The following KCNMA1 variants were observed in gnomAD, a reference collection of about 807,000 sequenced individuals.
KCNMA1 encodes potassium calcium-activated channel subfamily M alpha 1.
KCNMA1 carries 29 observed loss-of-function variants against 140.0 expected under a neutral mutation model. The observed-to-expected ratio is 0.21, with a 90% CI of 0.15 to 0.28. KCNMA1 has a LOEUF of 0.28. Among genes scored for constraint, KCNMA1 ranks in the 10% least tolerant of loss-of-function variants. The pLI is 1.00. For missense variants in KCNMA1, 880 were observed against 1,602.2 expected, an observed-to-expected ratio of 0.55 and a Z score of 7.70; for synonymous variants, 612 against 611.9, an observed-to-expected ratio of 1.00 and a Z score of 0.00.
chr10:77,620,521 G>A (rs1261238209), intron 1 of KCNMA1, among the ~76,000 whole-genome samples: 1 of 152,196 alleles, frequency 6.6e-6, no homozygotes, highest in Non-Finnish European at 1.5e-5. Flanking sequence ...CTTCTCCAAG[G>A]CTCATGCTTA....
At chr10:77,479,539 G>A (rs1051166465) in intron 1 of KCNMA1, among the ~76,000 whole-genome samples, 1 of 152,164 alleles carries the variant, frequency 6.6e-6, no homozygotes, top group East Asian at 1.9e-4. Context: ...ATCACAGTGA[G>A]GTTTTTCCCC....
Position 76,981,284 on chromosome 10 carries a change from T to C in KCNMA1, c.2267-11217A>G, listed in dbSNP as rs569269662. Among the ~76,000 whole-genome samples, 9 of 152,306 alleles carry C rather than the reference T, an allele frequency of 5.9e-5. 1 individual carries two copies. The East Asian group carries it at 7.7e-4, about 13-fold the overall frequency. ...ATTCAACTGTCACCTTTGTCCCTTGTTTCATATGGCCCCAATGAAGTGCTC... is the reference window on the plus strand; with the variant it reads ...ATTCAACTGTCACCTTTGTCCCTTGCTTCATATGGCCCCAATGAAGTGCTC... On this transcript the variant is annotated intron_variant, in intron 19 of 27. Coordinates refer to ENST00000286628, the MANE Select transcript of KCNMA1 (RefSeq NM_001161352.2).
intron 2 of KCNMA1, among the ~76,000 whole-genome samples, chr10:77,303,406 T>C (rs2076975105): frequency 6.6e-6 from 1 of 152,166 alleles, no homozygotes; most frequent in Non-Finnish European, 1.5e-5. Context: ...CTTCTACTAC[T>C]TAAGTCTCCC....
Position 77,514,339 on chromosome 10 carries a change from C to T in KCNMA1, c.379-110316G>A, listed in dbSNP as rs144273586. ...AGGGGGAAGCGAATCACTTTGCATC[C>T]TGGCTGCCTGACTGGCACATTCCCC... On this transcript the variant is annotated intron_variant, in intron 1 of 27. Coordinates refer to ENST00000286628, the MANE Select transcript of KCNMA1 (RefSeq NM_001161352.2). Among the ~76,000 whole-genome samples the T allele has an allele frequency of 2.7e-3, 406 of 152,324 alleles. 2 individuals carry two copies. Among genetic ancestry groups the T allele is most frequent in the African/African-American group, 9.6e-3 (397 of 41,566 alleles).
intron 19 of KCNMA1, among the ~76,000 whole-genome samples, chr10:76,984,343 A>T (rs2080549383): frequency 6.6e-6 from 1 of 152,052 alleles, no homozygotes. Flanking sequence ...CTGAGATTAT[A>T]GGCACCTGAC....
At chr10:77,090,615 C>G (rs568738874) in intron 9 of KCNMA1, 105 bp from the exon 10 acceptor site, 4 of 771,954 alleles carry the variant, frequency 5.2e-6, no homozygotes, top group Non-Finnish European at 9.3e-6. Context: ...GGGAAGCATT[C>G]ATCTCCTCCC....
At chr10:77,360,465 G>A (rs1263981090) in intron 2 of KCNMA1, among the ~76,000 whole-genome samples, 2 of 152,174 alleles carry the variant, frequency 1.3e-5, no homozygotes, top group African/African-American at 4.8e-5. Flanking sequence ...CCTTGTTTCA[G>A]TCTCTGATTC....
intron 1 of KCNMA1, among the ~76,000 whole-genome samples, chr10:77,572,963 A>G (rs903963022): frequency 6.6e-6 from 1 of 152,070 alleles, no homozygotes; most frequent in Non-Finnish European, 1.5e-5. Context: ...GACAATTCAG[A>G]CTAAGCTGGA....
intron 18 of KCNMA1, among the ~76,000 whole-genome samples, chr10:77,003,925 C>G (rs2087417177): frequency 6.6e-6 from 1 of 152,130 alleles, no homozygotes; most frequent in Non-Finnish European, 1.5e-5. Flanking sequence ...CAGTGACAAA[C>G]CAGTGGCTCT....
At chr10:76,941,219 G>T in intron 23 of KCNMA1, among the ~76,000 whole-genome samples, 1 of 151,080 alleles carries the variant, frequency 6.6e-6, no homozygotes, top group East Asian at 2.0e-4. Context: ...GAAAAGAAAA[G>T]AAAAAAAATG....
intron 2 of KCNMA1, among the ~76,000 whole-genome samples, chr10:77,286,138 A>T (rs960083557): frequency 6.6e-6 from 1 of 152,078 alleles, no homozygotes; most frequent in Non-Finnish European, 1.5e-5. Flanking sequence ...TTTAAATCTC[A>T]TTCTTTAAAG....
chr10:77,466,479 G>A (rs1448746530), intron 1 of KCNMA1, among the ~76,000 whole-genome samples: 1 of 152,168 alleles, frequency 6.6e-6, no homozygotes, highest in Non-Finnish European at 1.5e-5. Flanking sequence ...GTGCAATAGT[G>A]AAATAGGCAG....
chr10:76,903,766 C>T (rs1459737601), intron 25 of KCNMA1: 1 of 152,158 alleles, frequency 6.6e-6, no homozygotes, highest in Non-Finnish European at 1.5e-5. Flanking sequence ...AGGGTTTGGC[C>T]CTTAATGAAA....
chr10:77,112,925 A>C (rs1287668635), intron 6 of KCNMA1, among the ~76,000 whole-genome samples: 1 of 152,072 alleles, frequency 6.6e-6, no homozygotes, highest in South Asian at 2.1e-4. Flanking sequence ...TTAGCACCCA[A>C]CTCCTAAGAA....
In KCNMA1 at chr10:77,253,198, G is replaced by C. The variant is rs75559806; in HGVS notation, c.541-1942C>G. On this transcript the variant is annotated intron_variant, in intron 2 of 27. Coordinates refer to ENST00000286628, the MANE Select transcript of KCNMA1 (RefSeq NM_001161352.2). Reference sequence around the variant, plus strand: ...CATTCTCAAAAAGCTGCAAAGAGAAGGGGTGTGGCCAGAACCCAGGAGAAG... The same window carrying C: ...CATTCTCAAAAAGCTGCAAAGAGAACGGGTGTGGCCAGAACCCAGGAGAAG... 5.8e-3 allele frequency among the ~76,000 whole-genome samples: 885 copies of C among 152,288 alleles called. 8 individuals carry two copies. Among genetic ancestry groups the C allele is most frequent in the Non-Finnish European group, 8.8e-3 (600 of 68,022 alleles).
intron 25 of KCNMA1, among the ~76,000 whole-genome samples, chr10:76,900,460 G>GT (rs1554885317): frequency 6.6e-6 from 1 of 151,760 alleles, no homozygotes; most frequent in Admixed American, 6.6e-5. Context: ...AGAATTTGGG[G>GT]TTTTTTTCCT....
chr10:77,413,317 T>C (rs2096661832), intron 1 of KCNMA1, among the ~76,000 whole-genome samples: 1 of 152,060 alleles, frequency 6.6e-6, no homozygotes, highest in African/African-American at 2.4e-5. Context: ...CTCCTTCGCC[T>C]CAGGTTTTCA....
At chr10:77,179,580 C>T (rs962922030) in intron 5 of KCNMA1, among the ~76,000 whole-genome samples, 24 of 152,178 alleles carry the variant, frequency 1.6e-4, no homozygotes, top group Non-Finnish European at 3.2e-4. Context: ...GCCAACACAA[C>T]ACAGCAAAAC....
At chr10:77,610,665 G>A (rs918245142) in intron 1 of KCNMA1, among the ~76,000 whole-genome samples, 4 of 152,222 alleles carry the variant, frequency 2.6e-5, no homozygotes, top group African/African-American at 9.6e-5. Flanking sequence ...CCACTTATAT[G>A]AAGTGTCCAG....
Sources: gnomAD v4.1 joint callset for allele counts (sites outside exome capture counted in the v4.1 genomes callset) on GRCh38, gnomAD v4.1.1 for gene constraint, MANE v1.5 for transcripts, NCBI Gene and HGNC (gene_info 2026-07-23, HGNC 2026-07-21) for gene names.